ANKS1B: variants seen among roughly 807,000 people sequenced by gnomAD.
ANKS1B encodes ankyrin repeat and sterile alpha motif domain containing 1B.
A neutral mutation model predicts 148.3 loss-of-function variants in ANKS1B; 36 were observed. The ratio of observed to expected loss-of-function variants is 0.24; its 90% CI spans 0.19 to 0.32. The LOEUF (loss-of-function observed/expected upper bound fraction) is 0.32. ANKS1B is among the 10% of genes least tolerant of loss of function. The pLI is 1.00. For missense variants in ANKS1B, 1,157 were observed against 1,542.6 expected, an observed-to-expected ratio of 0.75 and a Z score of 4.19; for synonymous variants, 542 against 560.8, an observed-to-expected ratio of 0.97 and a Z score of 0.47.
chr12:99,209,261 A>G (rs1331289845), intron 14 of ANKS1B, among the ~76,000 whole-genome samples: 1 of 152,180 alleles, frequency 6.6e-6, no homozygotes, highest in African/African-American at 2.4e-5. Flanking sequence ...CATTTATGTA[A>G]ATAATCAGGC....
intron 8 of ANKS1B, among the ~76,000 whole-genome samples, chr12:99,674,849 AAATT>A (rs1461374955): frequency 3.3e-5 from 5 of 152,016 alleles, no homozygotes; most frequent in African/African-American, 1.2e-4. Context: ...AAACTTTGGA[AAATT>A]ATTTACAATA....
chr12:98,968,713 A>G (rs951222763), intron 17 of ANKS1B, among the ~76,000 whole-genome samples: 1 of 152,152 alleles, frequency 6.6e-6, no homozygotes, highest in Non-Finnish European at 1.5e-5. Flanking sequence ...ATTTTTAAAT[A>G]AAATGCAGAG....
chr12:99,134,643 TCTCA>T (rs1476248467), intron 15 of ANKS1B, among the ~76,000 whole-genome samples: 1,613 of 82,904 alleles, frequency 0.019, 7 homozygotes, highest in Admixed American at 0.03. Context: ...TCTCTCTCTC[TCTCA>T]CACACACACA....
At chr12:99,693,630 G>A (rs10860491) in intron 8 of ANKS1B, among the ~76,000 whole-genome samples, 26,466 of 152,016 alleles carry the variant, frequency 0.17, 3,320 homozygotes, top group East Asian at 0.46. Context: ...CAAAACTTTA[G>A]CCAGTTCAGG....
At chr12:99,088,838 GTTTTTTTTT>G (rs386377539) in intron 15 of ANKS1B, among the ~76,000 whole-genome samples, 10 of 69,850 alleles carry the variant, frequency 1.4e-4, no homozygotes, top group South Asian at 1.4e-3. Flanking sequence ...TTTAACTTCT[GTTTTTTTTT>G]TTTTTTTTTT....
intron 16 of ANKS1B, among the ~76,000 whole-genome samples, chr12:99,066,349 G>A (rs1413721593): frequency 8.6e-5 from 13 of 151,948 alleles, no homozygotes; most frequent in African/African-American, 1.9e-4. Context: ...AAATAAAGAC[G>A]GTGGATTGGC....
At chr12:99,097,600 C>T (rs2056626305) in intron 15 of ANKS1B, 1 of 152,112 alleles carries the variant, frequency 6.6e-6, no homozygotes, top group Admixed American at 6.5e-5. Context: ...ATATACAGTT[C>T]TTCATAATCA....
intron 1 of ANKS1B, among the ~76,000 whole-genome samples, chr12:99,831,533 G>A (rs1434369713): frequency 6.6e-6 from 1 of 152,114 alleles, no homozygotes; most frequent in African/African-American, 2.4e-5. Context: ...AAAAATTATG[G>A]ATTTTGATAT....
intron 12 of ANKS1B, among the ~76,000 whole-genome samples, chr12:99,318,124 C>A (rs1462769951): frequency 6.6e-6 from 1 of 151,994 alleles, no homozygotes; most frequent in Non-Finnish European, 1.5e-5. Flanking sequence ...GTCTAAAATT[C>A]TCTTTTATTG....
chr12:99,350,740 T>C (rs985519338), intron 12 of ANKS1B, among the ~76,000 whole-genome samples: 8 of 152,210 alleles, frequency 5.3e-5, no homozygotes, highest in African/African-American at 1.7e-4. Flanking sequence ...TTAATATTAA[T>C]GCAAACATCA....
intron 8 of ANKS1B, among the ~76,000 whole-genome samples, chr12:99,701,165 T>G (rs1168899041): frequency 6.6e-6 from 1 of 152,146 alleles, no homozygotes; most frequent in Non-Finnish European, 1.5e-5. Context: ...TATCTTAGAA[T>G]CTCTTGGTTG....
intron 10 of ANKS1B, among the ~76,000 whole-genome samples, chr12:99,491,732 C>T (rs2096557466): frequency 6.6e-6 from 1 of 152,078 alleles, no homozygotes; most frequent in Non-Finnish European, 1.5e-5. Flanking sequence ...GGATTACAGC[C>T]TCTAGCTCCA....
At position 99,981,487 on chromosome 12, in the gene ANKS1B, A is replaced by G. The variant is rs78812359; in HGVS notation, c.134+2617T>C. Reference sequence around the variant, plus strand: ...GAGATTTTTTTAATTAGAAAAAAATACCAAAATTTAAGGAATTTCAAATTA... The same window carrying G: ...GAGATTTTTTTAATTAGAAAAAAATGCCAAAATTTAAGGAATTTCAAATTA... On this transcript the variant is annotated intron_variant, in intron 1 of 26. Transcript: ENST00000683438. Among the ~76,000 whole-genome samples the G allele has an allele frequency of 9.1e-3, 1,387 of 152,264 alleles. 25 individuals are homozygous for G. The highest frequency in any genetic ancestry group is 0.031 in the African/African-American group (1,294 of 41,584).
Position 99,984,435 on chromosome 12 carries a change from G to A in ANKS1B, c.-198C>T. On this transcript the variant is annotated 5_prime_UTR_variant, in exon 1 of 27. Transcript: ENST00000683438. ...TTCGGGGCGCAGCTTTTACAATGGG[G>A]ATCAGACCATGTCTTGAAAGAGGGG... 1 of 511,138 alleles carries A rather than the reference G, an allele frequency of 2.0e-6. No individual in the cohort carries two copies. The highest frequency in any genetic ancestry group is 3.4e-6 in the Non-Finnish European group (1 of 290,110). The allele number at this position is 511,138 out of a possible 1,614,324, so 31.7% of individuals were successfully genotyped here. A position where few individuals can be genotyped will look rare whatever the true frequency, so the allele number is the denominator to read the frequency against.
chr12:99,968,440 C>A (rs1206430483), intron 1 of ANKS1B, among the ~76,000 whole-genome samples: 1 of 152,128 alleles, frequency 6.6e-6, no homozygotes, highest in Non-Finnish European at 1.5e-5. Context: ...CGCCTGTAGT[C>A]CCGGCTACTC....
chr12:99,358,587 T>C (rs2092225602), intron 12 of ANKS1B, among the ~76,000 whole-genome samples: 1 of 152,134 alleles, frequency 6.6e-6, no homozygotes, highest in South Asian at 2.1e-4. Context: ...ATCTAGACCC[T>C]ACTAGTACCA....
intron 14 of ANKS1B, among the ~76,000 whole-genome samples, chr12:99,237,363 C>T (rs1402094506): frequency 6.6e-6 from 1 of 151,922 alleles, no homozygotes; most frequent in Non-Finnish European, 1.5e-5. Context: ...TGTCTGGGGG[C>T]TCCACACACA....
chr12:99,253,544 C>T (rs541038117), intron 12 of ANKS1B, among the ~76,000 whole-genome samples: 5 of 151,778 alleles, frequency 3.3e-5, no homozygotes, highest in Admixed American at 6.6e-5. Context: ...TCTCATTAAA[C>T]GTGGGAAACA....
At chr12:99,881,792 C>A (rs1427540010) in intron 1 of ANKS1B, among the ~76,000 whole-genome samples, 2 of 152,324 alleles carry the variant, frequency 1.3e-5, no homozygotes, top group East Asian at 1.9e-4. Context: ...AACCTGAATT[C>A]TCTGGGTTGA....
Sources: allele counts gnomAD v4.1 joint callset (sites outside exome capture counted in the v4.1 genomes callset), GRCh38; gene constraint gnomAD v4.1.1; transcripts MANE v1.5; gene names NCBI Gene and HGNC (gene_info 2026-07-23, HGNC 2026-07-21).